Variants in CSMD1 observed in about 807,000 individuals in gnomAD.
CSMD1 encodes CUB and sushi domain-containing protein 1.
Under a neutral mutation model 417.5 loss-of-function variants are expected in CSMD1, and 213 were observed. The ratio of observed to expected loss-of-function variants is 0.51; its 90% CI spans 0.46 to 0.57. The LOEUF (loss-of-function observed/expected upper bound fraction) is 0.57. Among genes scored for constraint, CSMD1 ranks in the 20% least tolerant of loss-of-function variants. The pLI is 0.00. For synonymous variants in CSMD1, 2,862 were observed against 1,736.8 expected, an observed-to-expected ratio of 1.65 and a Z score of -16.11; for missense variants, 6,923 against 4,529.7, an observed-to-expected ratio of 1.53 and a Z score of -15.17.
intron 21 of CSMD1, among the ~76,000 whole-genome samples, chr8:3,355,601 C>G (rs541772772): frequency 3.3e-5 from 5 of 152,036 alleles, no homozygotes; most frequent in Admixed American, 6.6e-5. Flanking sequence ...CAGAACTGCA[C>G]GATGTGGGGC....
At chr8:4,270,490 A>T (rs560330041) in intron 3 of CSMD1, among the ~76,000 whole-genome samples, 1 of 152,060 alleles carries the variant, frequency 6.6e-6, no homozygotes, top group Admixed American at 6.6e-5. Context: ...CCCATGTGGC[A>T]TATCTCCAGG....
chr8:3,567,294 G>A (rs1799754308), intron 10 of CSMD1, among the ~76,000 whole-genome samples: 1 of 152,016 alleles, frequency 6.6e-6, no homozygotes, highest in East Asian at 1.9e-4. Flanking sequence ...AGGAGGCAGA[G>A]GATCAGAAAA....
chr8:4,134,322 G>A (rs1803288940), intron 3 of CSMD1, among the ~76,000 whole-genome samples: 1 of 152,170 alleles, frequency 6.6e-6, no homozygotes, highest in Non-Finnish European at 1.5e-5. Flanking sequence ...AAGCTATAAA[G>A]ACATCTTTAA....
intron 25 of CSMD1, among the ~76,000 whole-genome samples, chr8:3,291,076 A>G (rs147212161): frequency 0.019 from 2,934 of 152,226 alleles, 39 homozygotes; most frequent in East Asian, 0.03. Flanking sequence ...GCATCTTTTG[A>G]GATAATCATG....
At chr8:3,821,198 G>A (rs1801717398) in intron 5 of CSMD1, among the ~76,000 whole-genome samples, 2 of 152,130 alleles carry the variant, frequency 1.3e-5, no homozygotes, top group South Asian at 2.1e-4. Flanking sequence ...GATTACAGGT[G>A]TGAACCACCG....
chr8:4,334,320 T>A (rs1443659601), intron 3 of CSMD1, among the ~76,000 whole-genome samples: 1 of 152,114 alleles, frequency 6.6e-6, no homozygotes, highest in Non-Finnish European at 1.5e-5. Context: ...GGAAGGTATT[T>A]GTGGATGTGA....
chr8:3,626,571 T>C (rs1372149590), intron 7 of CSMD1, among the ~76,000 whole-genome samples: 1 of 151,630 alleles, frequency 6.6e-6, no homozygotes, highest in Non-Finnish European at 1.5e-5. Flanking sequence ...AAGTTTTATT[T>C]GTCATTCCCT....
chr8:4,261,241 G>C (rs969258355), intron 3 of CSMD1, among the ~76,000 whole-genome samples: 3 of 152,154 alleles, frequency 2.0e-5, no homozygotes, highest in African/African-American at 7.2e-5. Flanking sequence ...ATCTTGTGTA[G>C]TAGACTCAAA....
intron 2 of CSMD1, among the ~76,000 whole-genome samples, chr8:4,486,512 A>G (rs1283727198): frequency 6.6e-6 from 1 of 151,868 alleles, no homozygotes; most frequent in Non-Finnish European, 1.5e-5. Flanking sequence ...TGATGTTTAT[A>G]TTGTACATTT....
In CSMD1 at chr8:2,938,229, G is replaced by A. The variant is rs144248760; in HGVS notation, c.*356C>T. On this transcript the variant is annotated 3_prime_UTR_variant, in exon 70 of 70. Transcript: ENST00000635120. ...CCGCACCTGAGGGACATATCCACGAGCCCAGACGATTGCATTGAAAGGCAT... is the reference window on the plus strand; with the variant it reads ...CCGCACCTGAGGGACATATCCACGAACCCAGACGATTGCATTGAAAGGCAT... The A allele has an allele frequency of 6.6e-4, 132 of 199,670 alleles. 1 individual carries two copies. Among genetic ancestry groups the A allele is most frequent in the African/African-American group, 2.9e-3 (126 of 43,440 alleles). The allele number at this position is 199,670 out of a possible 1,614,324, so 12.4% of individuals were successfully genotyped here.
intron 3 of CSMD1, among the ~76,000 whole-genome samples, chr8:4,361,816 G>A (rs571170072): frequency 2.0e-5 from 3 of 152,038 alleles, no homozygotes; most frequent in Non-Finnish European, 4.4e-5. Flanking sequence ...CTAGCCAGGC[G>A]TGGTGCGGGG....
At chr8:4,955,081 A>G (rs1809000653) in intron 1 of CSMD1, among the ~76,000 whole-genome samples, 1 of 152,086 alleles carries the variant, frequency 6.6e-6, no homozygotes, top group East Asian at 1.9e-4. Context: ...TAGGCTCTGG[A>G]ACAATCGCTT....
rs149124778 is a variant in CSMD1, at chr8:3,860,445, C to A, written c.819-106403G>T. Among the ~76,000 whole-genome samples the A allele has an allele frequency of 2.0e-3, 309 of 151,866 alleles. 1 individual carries two copies. The highest frequency in any genetic ancestry group is 2.1e-3 in the Non-Finnish European group (143 of 67,902). On this transcript the variant is annotated intron_variant, in intron 5 of 69. Transcript: ENST00000635120. Reference sequence around the variant, plus strand: ...ACTAAAACAATAAAACTTTTTTTTCCTATTTGAATGTAGGAGTTTGCTAAT... The same window carrying A: ...ACTAAAACAATAAAACTTTTTTTTCATATTTGAATGTAGGAGTTTGCTAAT...
chr8:3,232,295 C>A (rs1281433159), intron 26 of CSMD1, among the ~76,000 whole-genome samples: 1 of 152,164 alleles, frequency 6.6e-6, no homozygotes, highest in Non-Finnish European at 1.5e-5. Flanking sequence ...GTTGCAAGTT[C>A]TGTGACTCTC....
intron 1 of CSMD1, among the ~76,000 whole-genome samples, chr8:4,783,811 C>G (rs1407954668): frequency 1.3e-5 from 2 of 152,184 alleles, no homozygotes; most frequent in Non-Finnish European, 2.9e-5. Context: ...CACAAGGCAT[C>G]AACCAGCCTA....
chr8:4,994,551 C>A lies in CSMD1; in HGVS notation c.-135G>T, dbSNP rs952359023. The A allele has an allele frequency of 5.8e-5, 44 of 764,288 alleles. No individual in the cohort carries two copies. Among genetic ancestry groups the A allele is most frequent in the South Asian group, 4.2e-4 (25 of 59,678 alleles). 47.3% of individuals were successfully genotyped at this position (764,288 alleles called of 1,614,324 possible). On this transcript the variant is annotated 5_prime_UTR_variant, in exon 1 of 70. Coordinates refer to ENST00000635120, the MANE Select transcript of CSMD1 (RefSeq NM_033225.6). ...CCGGTCCCAAGACCCGCCGCGCATCCGACGCCTCCTGAAGGTCTGGGCGCC... is the reference window on the plus strand; with the variant it reads ...CCGGTCCCAAGACCCGCCGCGCATCAGACGCCTCCTGAAGGTCTGGGCGCC...
intron 5 of CSMD1, among the ~76,000 whole-genome samples, chr8:3,938,690 G>C (rs1028415154): frequency 2.6e-5 from 4 of 152,162 alleles, no homozygotes; most frequent in African/African-American, 4.8e-5. Flanking sequence ...AATGGCAGGA[G>C]TTGACTCTAC....
intron 10 of CSMD1, among the ~76,000 whole-genome samples, chr8:3,574,013 G>T (rs559242832): frequency 6.6e-6 from 1 of 152,092 alleles, no homozygotes; most frequent in East Asian, 1.9e-4. Context: ...TTATGAGTAT[G>T]ATTTCTATCC....
chr8:4,211,447 C>T (rs3900503), intron 3 of CSMD1, among the ~76,000 whole-genome samples: 4,102 of 152,214 alleles, frequency 0.027, 150 homozygotes, highest in African/African-American at 0.086. Flanking sequence ...TAGCAGTTTA[C>T]GCATGACAAA....
Sources: allele counts gnomAD v4.1 joint callset (sites outside exome capture counted in the v4.1 genomes callset), GRCh38; gene constraint gnomAD v4.1.1; transcripts MANE v1.5; gene names NCBI Gene and HGNC (gene_info 2026-07-23, HGNC 2026-07-21).